The following THSD4 variants were observed in gnomAD, a reference collection of about 807,000 sequenced individuals.
THSD4 encodes the protein thrombospondin type-1 domain-containing protein 4.
THSD4 carries 69 observed loss-of-function variants against 119.0 expected under a neutral mutation model. The observed-to-expected ratio is 0.58, with a 90% confidence interval of 0.48 to 0.71. The LOEUF (loss-of-function observed/expected upper bound fraction) is 0.71, where lower values mean the gene tolerates loss of function less well. Ranked by LOEUF, THSD4 falls within the 30% of genes least tolerant of loss-of-function variation. THSD4 has a pLI of 0.00. For missense variants in THSD4, 1,393 were observed against 1,391.1 expected (o/e 1.00, Z -0.02); for synonymous variants, 524 against 540.4 (o/e 0.97, Z 0.42).
chr15:71,337,107 G>A (rs2045498444), intron 6 of THSD4, among the ~76,000 whole-genome samples: 2 of 152,184 alleles, frequency 1.3e-5, no homozygotes, highest in African/African-American at 2.4e-5. Context: ...TGTAGTGACC[G>A]CCTTGGTCCT....
intron 7 of THSD4, among the ~76,000 whole-genome samples, chr15:71,495,529 C>T (rs6494935): frequency 0.96 from 145,964 of 152,274 alleles, 70,227 homozygotes; most frequent in East Asian, 1. Context: ...AAACATGACA[C>T]GGGAAAGAAT....
At chr15:71,323,209 A>G (rs749742225) in intron 6 of THSD4, among the ~76,000 whole-genome samples, 3 of 151,974 alleles carry the variant, frequency 2.0e-5, no homozygotes, top group Non-Finnish European at 4.4e-5. Flanking sequence ...ACTAGTGCAG[A>G]TTCAGTATGT....
At chr15:71,226,049 A>G (rs1446761424) in intron 4 of THSD4, among the ~76,000 whole-genome samples, 1 of 150,492 alleles carries the variant, frequency 6.6e-6, no homozygotes, top group Non-Finnish European at 1.5e-5. Context: ...CCTTGTAGAA[A>G]CCCCTGGGCT....
intron 3 of THSD4, among the ~76,000 whole-genome samples, chr15:71,199,587 G>GTAT (rs2043757377): frequency 1.5e-5 from 2 of 130,042 alleles, no homozygotes; most frequent in African/African-American, 3.2e-5. Context: ...TGTGTGTGTG[G>GTAT]GTGTGTGTGA....
At chr15:71,315,657 C>T (rs551847500) in intron 6 of THSD4, among the ~76,000 whole-genome samples, 59 of 152,270 alleles carry the variant, frequency 3.9e-4, no homozygotes, top group Non-Finnish European at 6.3e-4. Context: ...GAGGTGGCGG[C>T]GGGGAGGCTT....
At chr15:71,143,664 A>G (rs2141373091) in intron 2 of THSD4, among the ~76,000 whole-genome samples, 1 of 138,062 alleles carries the variant, frequency 7.2e-6, no homozygotes, top group Non-Finnish European at 1.6e-5. Flanking sequence ...TTTTTTCTTA[A>G]TGTCTTGGAT....
intron 8 of THSD4, among the ~76,000 whole-genome samples, chr15:71,684,508 T>C (rs948879377): frequency 1.7e-4 from 23 of 137,096 alleles, no homozygotes; most frequent in African/African-American, 5.9e-4. Flanking sequence ...CTATTTCTAA[T>C]CTTGTAATCT....
rs1308349289 is a variant in THSD4, at chr15:71,417,036, G to A, written c.1152+5213G>A. On this transcript the variant is annotated intron_variant, in intron 7 of 17. Coordinates refer to ENST00000261862, the MANE Select transcript of THSD4 (RefSeq NM_024817.3). ...AGCCTCCCAAAGTGCTGGGATTACA[G>A]GCATGAGCCACTGCACCTGGCCCTG... Among the ~76,000 whole-genome samples, 3 of 108,768 alleles carry A rather than the reference G, an allele frequency of 2.8e-5. 1 individual carries two copies. The highest frequency in any genetic ancestry group is 6.1e-5 in the Non-Finnish European group (3 of 49,528). 71.4% of individuals were successfully genotyped at this position (108,768 alleles called of 152,430 possible). A position where few individuals can be genotyped will look rare whatever the true frequency, so the allele number is the denominator to read the frequency against.
chr15:71,234,688 C>T (rs1444857193), intron 4 of THSD4, among the ~76,000 whole-genome samples: 1 of 152,224 alleles, frequency 6.6e-6, no homozygotes, highest in African/African-American at 2.4e-5. Flanking sequence ...CTACCTCTGC[C>T]TACTGTTTTC....
intron 7 of THSD4, among the ~76,000 whole-genome samples, chr15:71,580,901 ATG>A (rs2049546003): frequency 6.6e-6 from 1 of 152,096 alleles, no homozygotes; most frequent in African/African-American, 2.4e-5. Context: ...ATATACACAT[ATG>A]TGTGTGTTAT....
chr15:71,392,930 G>A (rs577516166), intron 6 of THSD4, among the ~76,000 whole-genome samples: 29 of 152,308 alleles, frequency 1.9e-4, no homozygotes, highest in Non-Finnish European at 3.8e-4. Context: ...GTGTGGCCAC[G>A]ACAAGAACAT....
intron 3 of THSD4, among the ~76,000 whole-genome samples, chr15:71,192,809 G>A (rs1181975835): frequency 1.3e-5 from 2 of 152,080 alleles, no homozygotes; most frequent in African/African-American, 4.8e-5. Flanking sequence ...ATATGAATAA[G>A]GATGTGAGAT....
At position 71,777,334 on chromosome 15, in the gene THSD4, G is replaced by A. The variant is rs200927911; in HGVS notation, c.3017G>A (p.Arg1006His). Residue 1006 changes from arginine (R) to histidine (H), a missense_variant, in exon 18 of 18, where the codon CGT becomes CAT. Coordinates refer to ENST00000261862, the MANE Select transcript of THSD4 (RefSeq NM_024817.3). The stretch of plus-strand genomic sequence containing the variant: ...ACCGCCTGCTGTGCCTCCTGCACCC[G>A]TGTGGCCAACAGGCAGACGGGCTTC... ...YKTACCASCT[R>H]VANRQTGFLG... 8.6e-4 allele frequency: 1,383 copies of A among 1,614,156 alleles called. 16 individuals are homozygous for A. The South Asian group carries it at 0.014, about 16-fold the overall frequency.
At chr15:71,326,859 C>T (rs965055854) in intron 6 of THSD4, among the ~76,000 whole-genome samples, 4 of 148,450 alleles carry the variant, frequency 2.7e-5, no homozygotes, top group African/African-American at 4.9e-5. Flanking sequence ...GATGCCAGAG[C>T]GAGACCCTGT....
intron 7 of THSD4, among the ~76,000 whole-genome samples, chr15:71,580,064 C>T (rs1366388828): frequency 2.0e-5 from 3 of 151,946 alleles, no homozygotes; most frequent in Non-Finnish European, 4.4e-5. Context: ...TGTGCTTTCC[C>T]AAGAGAGAGT....
chr15:71,442,180 C>G (rs1393452207), intron 7 of THSD4, among the ~76,000 whole-genome samples: 3 of 151,804 alleles, frequency 2.0e-5, no homozygotes, highest in Non-Finnish European at 4.4e-5. Context: ...TGATGGTCTC[C>G]ATCTCCTGAC....
At chr15:71,642,231 G>A (rs1303507866) in intron 7 of THSD4, among the ~76,000 whole-genome samples, 1 of 152,216 alleles carries the variant, frequency 6.6e-6, no homozygotes, top group Middle Eastern at 3.2e-3. Context: ...TCATCTGAAG[G>A]TGTGTTAAAA....
intron 14 of THSD4, 42 bp from the exon 15 acceptor site, chr15:71,757,860 G>A: frequency 1.9e-6 from 3 of 1,607,496 alleles, no homozygotes; most frequent in Non-Finnish European, 8.5e-7. Context: ...TTCAGCAGCT[G>A]CCAGGGCCTC....
chr15:71,767,804 G>A (rs1391662030), intron 16 of THSD4, among the ~76,000 whole-genome samples: 1 of 152,190 alleles, frequency 6.6e-6, no homozygotes, highest in Non-Finnish European at 1.5e-5. Flanking sequence ...ATGTAAGTTA[G>A]GTTGGGATAT....
Sources: allele counts gnomAD v4.1 joint callset (sites outside exome capture counted in the v4.1 genomes callset), GRCh38; gene constraint gnomAD v4.1.1; transcripts MANE v1.5; gene names NCBI Gene and HGNC (gene_info 2026-07-23, HGNC 2026-07-21).